Variants in PRKAR1B observed in about 807,000 individuals in gnomAD.
PRKAR1B encodes cAMP-dependent protein kinase type I-beta regulatory subunit.
In PRKAR1B, 22 loss-of-function variants were observed where a neutral mutation model predicts 46.5. The ratio of observed to expected loss-of-function variants is 0.47; its 90% CI spans 0.34 to 0.68. The LOEUF is 0.68. Among genes scored for constraint, PRKAR1B ranks in the 30% least tolerant of loss-of-function variants. PRKAR1B has a pLI of 0.01. For synonymous variants in PRKAR1B, 259 were observed against 217.7 expected, an observed-to-expected ratio of 1.19 and a Z score of -1.67; for missense variants, 445 against 535.6, an observed-to-expected ratio of 0.83 and a Z score of 1.67.
chr7:582,448 C>T (rs1032978174), intron 8 of PRKAR1B, among the ~76,000 whole-genome samples: 26 of 152,246 alleles, frequency 1.7e-4, no homozygotes, highest in African/African-American at 5.3e-4. Flanking sequence ...GACTTTGTGC[C>T]GATGCTGACT....
chr7:551,544 C>T (rs1784198208), intron 9 of PRKAR1B, 74 bp from the exon 10 acceptor site: 3 of 1,416,304 alleles, frequency 2.1e-6, no homozygotes, highest in Non-Finnish European at 2.9e-6. Context: ...GGGGTCACCC[C>T]ACAGGGGGTC....
At chr7:648,882 G>T (rs985599005) in intron 4 of PRKAR1B, among the ~76,000 whole-genome samples, 18 of 152,212 alleles carry the variant, frequency 1.2e-4, no homozygotes, top group African/African-American at 3.9e-4. Flanking sequence ...TTTAACATTT[G>T]GCCAGGCACG....
chr7:551,818 C>T (rs1784228938), intron 9 of PRKAR1B, among the ~76,000 whole-genome samples: 3 of 142,790 alleles, frequency 2.1e-5, no homozygotes, highest in African/African-American at 5.3e-5. Context: ...CAAACCCCCA[C>T]CTCCCACCCA....
At chr7:663,049 T>TC (rs796100669) in intron 4 of PRKAR1B, among the ~76,000 whole-genome samples, 3 of 151,504 alleles carry the variant, frequency 2.0e-5, no homozygotes, top group Non-Finnish European at 4.4e-5. Context: ...AGGAACTTAG[T>TC]CCCCCCTCTT....
intron 1 of PRKAR1B, among the ~76,000 whole-genome samples, chr7:724,563 C>T (rs1781183548): frequency 6.6e-6 from 1 of 152,146 alleles, no homozygotes; most frequent in South Asian, 2.1e-4. Flanking sequence ...TATAAGTTAC[C>T]CAGTCTCGGC....
Position 560,790 on chromosome 7 carries a change from A to G in PRKAR1B, c.892-9320T>C, listed in dbSNP as rs961152835. On this transcript the variant is annotated intron_variant, in intron 9 of 10. Transcript: ENST00000537384. The surrounding 1 kb of genome is among the most constrained non-coding windows in gnomAD (Gnocchi z 4.2). ...CAGCTCCAGGAGTTCCAGCACGTCA[A>G]ACGGGACAGTCATCATGAGGGCGGC... Among the ~76,000 whole-genome samples, 6 of 152,238 alleles carry G rather than the reference A, an allele frequency of 3.9e-5. No homozygotes were observed. Among genetic ancestry groups the G allele is most frequent in the African/African-American group, 1.2e-4 (5 of 41,454 alleles).
chr7:718,330 GTA>G (rs146416897), intron 1 of PRKAR1B, among the ~76,000 whole-genome samples: 30 of 137,742 alleles, frequency 2.2e-4, no homozygotes, highest in Middle Eastern at 3.8e-3. Flanking sequence ...ATGTATGTAT[GTA>G]TATATATATA....
intron 4 of PRKAR1B, among the ~76,000 whole-genome samples, chr7:664,525 C>A (rs1785796192): frequency 6.6e-6 from 1 of 152,202 alleles, no homozygotes; most frequent in Non-Finnish European, 1.5e-5. Flanking sequence ...TCTGCAGGGG[C>A]TTGTCAGTGA....
In PRKAR1B at chr7:636,329, TCCTCCACCGGCCGC is replaced by T. The variant is rs1469425080; in HGVS notation, c.441-28891_441-28878del. Among the ~76,000 whole-genome samples the T allele has an allele frequency of 4.3e-3, 44 of 10,228 alleles. 1 individual carries two copies. Among genetic ancestry groups the T allele is most frequent in the Admixed American group, 7.3e-3 (9 of 1,228 alleles). The allele number at this position is 10,228 out of a possible 152,430, so 6.7% of individuals were successfully genotyped here. On this transcript the variant is annotated intron_variant, in intron 4 of 10. Transcript: ENST00000537384. The stretch of plus-strand genomic sequence containing the variant: ...GTCCTCCACCGGCCGCGCCCACACG[TCCTCCACCGGCCGC>T]GCCCACACGTCCTCCACCGGCCGCG...
At chr7:606,549 G>C (rs755174766) in intron 5 of PRKAR1B, among the ~76,000 whole-genome samples, 25 of 152,042 alleles carry the variant, frequency 1.6e-4, no homozygotes, top group Non-Finnish European at 3.4e-4. Flanking sequence ...AGGTTCAAGC[G>C]ATTCTCCTGC....
At chr7:697,250 CG>C (rs1162916294) in intron 2 of PRKAR1B, 1 of 151,572 alleles carries the variant, frequency 6.6e-6, no homozygotes, top group Non-Finnish European at 1.5e-5. Context: ...AATATCTGGG[CG>C]GGGCCTGGGG....
upstream of PRKAR1B, chr7:727,295 C>G (rs1781362341): frequency 7.7e-7 from 1 of 1,301,920 alleles, no homozygotes; most frequent in African/African-American, 1.6e-5. Context: ...TGCGCCGCCG[C>G]CCTGGCGCAG....
In PRKAR1B at chr7:602,009, C is replaced by A. The variant is rs990397124; in HGVS notation, c.549+4184G>T. 2.0e-5 allele frequency among the ~76,000 whole-genome samples: 3 copies of A among 152,124 alleles called. No individual in the cohort carries two copies. Among genetic ancestry groups the A allele is most frequent in the African/African-American group, 7.2e-5 (3 of 41,426 alleles). On this transcript the variant is annotated intron_variant, in intron 6 of 10. Coordinates refer to ENST00000537384, the MANE Select transcript of PRKAR1B (RefSeq NM_001164760.2). This position sits in a 1 kb window ranked among gnomAD's most constrained non-coding sequence, Gnocchi z 6.4. ...GGGAACTCCAGTTACACGAGGGTGA[C>A]CTCACTCTTTCCTTTCTCAAAATTG...
intron 9 of PRKAR1B, among the ~76,000 whole-genome samples, chr7:572,337 C>T (rs1418418895): frequency 6.6e-6 from 1 of 152,200 alleles, no homozygotes; most frequent in Non-Finnish European, 1.5e-5. Context: ...CAGCTCCCCA[C>T]AGCTTCAGAG....
At chr7:567,563 CATCACCATCACCG>C (rs1486866160) in intron 9 of PRKAR1B, among the ~76,000 whole-genome samples, 36 of 151,540 alleles carry the variant, frequency 2.4e-4, no homozygotes, top group African/African-American at 8.7e-4. Context: ...CCATCACCTT[CATCACCATCACCG>C]CCATCATCAT....
At chr7:605,931 C>T (rs1782014398) in intron 6 of PRKAR1B, among the ~76,000 whole-genome samples, 1 of 152,152 alleles carries the variant, frequency 6.6e-6, no homozygotes, top group African/African-American at 2.4e-5. Flanking sequence ...AGTCGCAGCC[C>T]GGGGGCAAGC....
chr7:715,931 G>A lies in PRKAR1B; in HGVS notation c.-22-4404C>T, dbSNP rs543090051. Among the ~76,000 whole-genome samples the A allele has an allele frequency of 2.6e-4, 39 of 152,248 alleles. No homozygotes were observed. In the South Asian group the frequency reaches 6.0e-3, roughly 23 times the overall value. ...GGGGTTTCACCGTGTTAGCCAGGAT[G>A]GTCTCGGTCTCCTGACCTCGTGATC... is the stretch of plus-strand genomic sequence containing the variant. On this transcript the variant is annotated intron_variant, in intron 1 of 10. Transcript: ENST00000537384.
chr7:622,777 C>T (rs938480950), intron 4 of PRKAR1B, among the ~76,000 whole-genome samples: 4 of 152,270 alleles, frequency 2.6e-5, no homozygotes, highest in East Asian at 1.9e-4. Context: ...AAAAGGACCC[C>T]GCTGAAGGCA....
Position 606,244 on chromosome 7 carries a change from A to C in PRKAR1B, c.503-5T>G, listed in dbSNP as rs771052794. 6.2e-7 allele frequency: 1 copy of C among 1,613,114 alleles called. No homozygotes were observed. Among genetic ancestry groups the C allele is most frequent in the African/African-American group, 1.3e-5 (1 of 74,888 alleles). ...AGAAGTTGTCTCCTTCATTCCCTGT[A>C]ACAAAAGAAGAAAGTCAACAGATAC... is the stretch of plus-strand genomic sequence containing the variant. On this transcript the variant is annotated splice_region_variant and splice_polypyrimidine_tract_variant and intron_variant, in intron 5 of 10. Transcript: ENST00000537384.
Sources: allele counts gnomAD v4.1 joint callset (sites outside exome capture counted in the v4.1 genomes callset), GRCh38; gene constraint gnomAD v4.1.1; non-coding constraint Gnocchi (gnomAD v3.1); transcripts MANE v1.5; gene names NCBI Gene and HGNC (gene_info 2026-07-23, HGNC 2026-07-21).